The following PPP2R2B variants were observed in gnomAD, a reference collection of about 807,000 sequenced individuals.
PPP2R2B encodes serine/threonine-protein phosphatase 2A 55 kDa regulatory subunit B beta isoform.
Under a neutral mutation model 46.0 loss-of-function variants are expected in PPP2R2B, and 5 were observed. That is an observed-to-expected ratio of 0.11 (90% CI 0.06 to 0.23). The LOEUF (loss-of-function observed/expected upper bound fraction) is 0.23. Among genes scored for constraint, PPP2R2B ranks in the 10% least tolerant of loss-of-function variants. PPP2R2B has a pLI of 1.00. For missense variants in PPP2R2B, 367 were observed against 575.0 expected (o/e 0.64, Z 3.70); for synonymous variants, 215 against 206.7 (o/e 1.04, Z -0.34).
chr5:146,999,773 C>T (rs1429624847), intron 1 of PPP2R2B, among the ~76,000 whole-genome samples: 1 of 152,120 alleles, frequency 6.6e-6, no homozygotes, highest in African/African-American at 2.4e-5. Flanking sequence ...AGAAAGGGCC[C>T]CAAACTCACA....
intron 1 of PPP2R2B, among the ~76,000 whole-genome samples, chr5:146,885,445 A>T (rs1199730338): frequency 1.3e-5 from 2 of 152,250 alleles, no homozygotes; most frequent in Non-Finnish European, 2.9e-5. Context: ...AGGGATAAAT[A>T]TTCTCTCAGT....
At chr5:146,776,710 A>G (rs1264622307) in intron 2 of PPP2R2B, among the ~76,000 whole-genome samples, 1 of 152,018 alleles carries the variant, frequency 6.6e-6, no homozygotes, top group Non-Finnish European at 1.5e-5. Context: ...GTGAAAATAC[A>G]ACCCACAGAA....
At chr5:147,074,035 CA>C (rs1187876886) in intron 2 of PPP2R2B, among the ~76,000 whole-genome samples, 482 of 113,502 alleles carry the variant, frequency 4.2e-3, no homozygotes, top group Admixed American at 5.5e-3. Flanking sequence ...GGCTCTGTCT[CA>C]AAAAAAAAAA....
At chr5:146,850,711 T>G (rs1760294710) in intron 2 of PPP2R2B, among the ~76,000 whole-genome samples, 1 of 152,158 alleles carries the variant, frequency 6.6e-6, no homozygotes. Flanking sequence ...ACTCTCAGAG[T>G]ACTACTAACT....
intron 5 of PPP2R2B, among the ~76,000 whole-genome samples, chr5:146,680,540 T>TATA (rs929553024): frequency 1.3e-5 from 2 of 151,298 alleles, no homozygotes; most frequent in African/African-American, 2.4e-5. Context: ...AAACTTAAAG[T>TATA]ATAATAATAA....
intron 1 of PPP2R2B, among the ~76,000 whole-genome samples, chr5:146,945,885 G>T (rs539625148): frequency 6.6e-6 from 1 of 152,230 alleles, no homozygotes; most frequent in East Asian, 1.9e-4. Flanking sequence ...TAATAGCCAG[G>T]TGTTACTATG....
chr5:146,758,607 A>G (rs921744543), intron 2 of PPP2R2B, among the ~76,000 whole-genome samples: 7 of 152,172 alleles, frequency 4.6e-5, no homozygotes, highest in African/African-American at 1.7e-4. Flanking sequence ...AGACGCCACA[A>G]ACTTTGTCTG....
chr5:146,620,275 G>A (rs1461950794), intron 7 of PPP2R2B, among the ~76,000 whole-genome samples: 4 of 152,318 alleles, frequency 2.6e-5, no homozygotes, highest in Admixed American at 2.0e-4. Context: ...GGGCTAATAT[G>A]TACAGACAAG....
At chr5:146,846,615 T>C (rs970651286) in intron 2 of PPP2R2B, among the ~76,000 whole-genome samples, 4 of 151,852 alleles carry the variant, frequency 2.6e-5, no homozygotes, top group African/African-American at 4.8e-5. Flanking sequence ...GAGGTGGAGG[T>C]TGCAGTGAGC....
chr5:147,042,795 G>T (rs1232884630), intron 1 of PPP2R2B, among the ~76,000 whole-genome samples: 1 of 152,094 alleles, frequency 6.6e-6, no homozygotes, highest in Admixed American at 6.6e-5. Flanking sequence ...GACAAAGTAG[G>T]CAGGAAGGTT....
At chr5:146,754,121 G>A (rs772816000) in intron 2 of PPP2R2B, among the ~76,000 whole-genome samples, 7 of 152,168 alleles carry the variant, frequency 4.6e-5, no homozygotes, top group Non-Finnish European at 1.0e-4. Context: ...CCCCCGCCAC[G>A]TGTCAGATGA....
chr5:147,006,473 A>C (rs1754446383), intron 1 of PPP2R2B, among the ~76,000 whole-genome samples: 1 of 152,168 alleles, frequency 6.6e-6, no homozygotes, highest in East Asian at 1.9e-4. Flanking sequence ...ATCAGACCCT[A>C]TCTGTGCCCC....
At chr5:146,676,944 G>T (rs1777766913) in intron 5 of PPP2R2B, among the ~76,000 whole-genome samples, 7 of 152,168 alleles carry the variant, frequency 4.6e-5, no homozygotes, top group Admixed American at 4.6e-4. Context: ...GAGTCCATCT[G>T]CGTAAAGGAT....
chr5:146,604,647 C>A (rs1233656675), intron 7 of PPP2R2B, among the ~76,000 whole-genome samples: 2 of 152,210 alleles, frequency 1.3e-5, no homozygotes, highest in African/African-American at 4.8e-5. Flanking sequence ...TTTGCTACCA[C>A]TTCTTGGTCC....
At chr5:146,954,684 G>C (rs1366479863) in intron 1 of PPP2R2B, among the ~76,000 whole-genome samples, 1 of 151,734 alleles carries the variant, frequency 6.6e-6, no homozygotes, top group Non-Finnish European at 1.5e-5. Flanking sequence ...AATGAAAAGA[G>C]AGCCGAGATC....
At chr5:146,886,523 C>T (rs992638318) in intron 1 of PPP2R2B, among the ~76,000 whole-genome samples, 1 of 151,982 alleles carries the variant, frequency 6.6e-6, no homozygotes, top group African/African-American at 2.4e-5. Context: ...AAAATATCAT[C>T]ACCATCATAA....
chr5:146,756,654 T>A (rs950029686), intron 2 of PPP2R2B, among the ~76,000 whole-genome samples: 2 of 152,230 alleles, frequency 1.3e-5, no homozygotes, highest in Non-Finnish European at 2.9e-5. Flanking sequence ...CTTTAACTTA[T>A]CAGTTTTCTT....
chr5:146,878,943 G>A (rs1244130408), upstream of PPP2R2B: 5 of 1,132,606 alleles, frequency 4.4e-6, no homozygotes, highest in South Asian at 7.3e-5. The surrounding 1 kb of genome is among the most constrained non-coding windows in gnomAD (Gnocchi z 4.5). Flanking sequence ...GCAGGTTCAG[G>A]TGGAACGCAT....
upstream of PPP2R2B, among the ~76,000 whole-genome samples, chr5:146,880,089 G>A (rs951189259): frequency 1.1e-4 from 16 of 151,924 alleles, no homozygotes; most frequent in African/African-American, 3.6e-4. Flanking sequence ...GATACTTCTG[G>A]TAGATAGAAA....
Sources: gnomAD v4.1 joint callset for allele counts (sites outside exome capture counted in the v4.1 genomes callset) on GRCh38, gnomAD v4.1.1 for gene constraint, Gnocchi (gnomAD v3.1) non-coding constraint, MANE v1.5 for transcripts, NCBI Gene and HGNC (gene_info 2026-07-23, HGNC 2026-07-21) for gene names.